Variants in CCDC158 observed in about 807,000 individuals in gnomAD.
The protein encoded by CCDC158 is coiled-coil domain containing 158, also known as coiled-coil domain-containing protein 158.
Under a neutral mutation model 138.6 loss-of-function variants are expected in CCDC158, and 116 were observed. That is an observed-to-expected ratio of 0.84 (90% CI 0.72 to 0.98). The LOEUF (loss-of-function observed/expected upper bound fraction) is 0.98, where lower values mean the gene tolerates loss of function less well. Ranked by LOEUF, CCDC158 falls within the 50% of genes least tolerant of loss-of-function variation. The pLI is 0.00. For missense variants in CCDC158, 1,265 were observed against 1,306.1 expected (o/e 0.97, Z 0.48); for synonymous variants, 436 against 442.4 (o/e 0.99, Z 0.18).
At chr4:76,356,372 GTT>G (rs3041128) in intron 14 of CCDC158, among the ~76,000 whole-genome samples, 4,535 of 151,130 alleles carry the variant, frequency 0.03, 253 homozygotes, top group East Asian at 0.21. Context: ...TAAAACAAAT[GTT>G]TTTTTTTTTA....
intron 1 of CCDC158, among the ~76,000 whole-genome samples, chr4:76,416,701 T>G (rs1729728050): frequency 6.6e-6 from 1 of 152,216 alleles, no homozygotes; most frequent in African/African-American, 2.4e-5. Context: ...CTCCAAGCCT[T>G]GGCAGCTTCC....
chr4:76,357,228 CA>C, intron 14 of CCDC158, 145 bp downstream of exon 14: 1 of 444,622 alleles, frequency 2.2e-6, no homozygotes, highest in Non-Finnish European at 3.8e-6. Flanking sequence ...ACATAACCTC[CA>C]TCATTAATAC....
chr4:76,336,181 CAAAAAA>C (rs34498886), intron 18 of CCDC158, among the ~76,000 whole-genome samples: 1 of 56,034 alleles, frequency 1.8e-5, no homozygotes, highest in African/African-American at 8.1e-5. Context: ...GACTCTGTCT[CAAAAAA>C]AAAAAAAAAA....
At chr4:76,368,843 T>C (rs1361120623) in intron 11 of CCDC158, among the ~76,000 whole-genome samples, 1 of 152,214 alleles carries the variant, frequency 6.6e-6, no homozygotes, top group African/African-American at 2.4e-5. Context: ...TAGGTAAACG[T>C]GAAAAGGCAA....
At chr4:76,326,515 C>G (rs902117677) in intron 22 of CCDC158, among the ~76,000 whole-genome samples, 3 of 152,142 alleles carry the variant, frequency 2.0e-5, no homozygotes, top group Non-Finnish European at 4.4e-5. Flanking sequence ...TCCATAGATT[C>G]AAGCAGCATT....
At chr4:76,320,694 G>T (rs182680476) in intron 24 of CCDC158, among the ~76,000 whole-genome samples, 1 of 152,136 alleles carries the variant, frequency 6.6e-6, no homozygotes, top group Admixed American at 6.5e-5. Context: ...GTGGGGAAAG[G>T]ACACCCTATT....
At chr4:76,325,008 A>C (rs1284551582) in intron 23 of CCDC158, among the ~76,000 whole-genome samples, 1 of 152,198 alleles carries the variant, frequency 6.6e-6, no homozygotes, top group Non-Finnish European at 1.5e-5. Context: ...CAGCTTCCTC[A>C]GTCTTTGTGG....
At chr4:76,321,833 G>A (rs1411310648) in intron 24 of CCDC158, among the ~76,000 whole-genome samples, 1 of 148,374 alleles carries the variant, frequency 6.7e-6, no homozygotes, top group East Asian at 1.9e-4. Context: ...GCCATAAAAA[G>A]GAATAAAATA....
At chr4:76,383,426 ATC>A (rs147610626) in intron 7 of CCDC158, among the ~76,000 whole-genome samples, 1 of 150,620 alleles carries the variant, frequency 6.6e-6, no homozygotes, top group Non-Finnish European at 1.5e-5. Flanking sequence ...GCTGAGCTTA[ATC>A]TCTCTCTCTC....
chr4:76,371,628 T>C, intron 9 of CCDC158, 92 bp from the exon 10 acceptor site: 1 of 1,481,984 alleles, frequency 6.7e-7, no homozygotes, highest in Non-Finnish European at 9.2e-7. Context: ...GGTATTATTT[T>C]GAGAACAAAA....
At chr4:76,348,386 G>A (rs2110160592) in intron 18 of CCDC158, among the ~76,000 whole-genome samples, 1 of 136,520 alleles carries the variant, frequency 7.3e-6, no homozygotes, top group East Asian at 2.3e-4. Flanking sequence ...GGTGAGCTGA[G>A]ATTGTGCCAC....
At chr4:76,382,834 T>C (rs1726402301) in intron 7 of CCDC158, 114 bp from the exon 8 acceptor site, 1 of 660,104 alleles carries the variant, frequency 1.5e-6, no homozygotes, top group Non-Finnish European at 2.6e-6. Flanking sequence ...GCTTTGCTTT[T>C]GTATATGCTA....
Position 76,313,190 on chromosome 4 carries a change from C to T in CCDC158, c.3334G>A (p.Glu1112Lys). ...EKRIQKVKDQ[E>K]KMLLK ...ACGAGTCATTTTAGTAACATTTTTTCCTGGTCTTTTACTTTCTGTATCCTC... is the reference window on the plus strand; with the variant it reads ...ACGAGTCATTTTAGTAACATTTTTTTCTGGTCTTTTACTTTCTGTATCCTC... The change falls in exon 25 of 25, where the codon GAA becomes AAA. Residue 1112 changes from glutamate (E) to lysine (K), a missense_variant. Transcript: ENST00000682701. 6.2e-7 allele frequency: 1 copy of T among 1,604,270 alleles called. No homozygotes were observed. The highest frequency in any genetic ancestry group is 8.5e-7 in the Non-Finnish European group (1 of 1,174,798).
chr4:76,367,154 A>C (rs570737207), intron 12 of CCDC158, 140 bp downstream of exon 12: 1 of 896,868 alleles, frequency 1.1e-6, no homozygotes, highest in Admixed American at 2.6e-5. Flanking sequence ...TTCTCACAAA[A>C]ACACACATAT....
At chr4:76,410,189 CT>C (rs1278358702) in intron 2 of CCDC158, among the ~76,000 whole-genome samples, 1 of 150,926 alleles carries the variant, frequency 6.6e-6, no homozygotes, top group Non-Finnish European at 1.5e-5. Flanking sequence ...TTTAGAATCC[CT>C]TTTTTTTGTT....
At chr4:76,364,029 C>A (rs1032179859) in intron 12 of CCDC158, among the ~76,000 whole-genome samples, 4 of 152,056 alleles carry the variant, frequency 2.6e-5, no homozygotes, top group Non-Finnish European at 5.9e-5. Context: ...TCTAATTCGG[C>A]GTTTCCAACT....
chr4:76,317,194 G>C (rs983764704), intron 24 of CCDC158, among the ~76,000 whole-genome samples: 1 of 151,840 alleles, frequency 6.6e-6, no homozygotes, highest in Non-Finnish European at 1.5e-5. Context: ...ATGGCAGAAA[G>C]GATAAAAATC....
rs1256216127 is a variant in CCDC158, at chr4:76,325,980, A to T, written c.3046T>A (p.Phe1016Ile). Reference protein sequence around the residue: ...PSVKNSASRSFNSSPKKSPVH... With the variant: ...PSVKNSASRSINSSPKKSPVH... ...GGAGACTTCTTAGGAGAAGAATTGAATGAACGAGAAGCTGAGTTTTTCACA... is the reference window on the plus strand; with the variant it reads ...GGAGACTTCTTAGGAGAAGAATTGATTGAACGAGAAGCTGAGTTTTTCACA... Residue 1016 changes from phenylalanine (F) to isoleucine (I), a missense_variant, in exon 23 of 25, where the codon TTC (phenylalanine) becomes ATC (isoleucine). By Grantham distance (21) the Phe-to-Ile change is conservative (BLOSUM62 0). Coordinates refer to ENST00000682701, the MANE Select transcript of CCDC158 (RefSeq NM_001394954.1). 1 of 1,613,200 alleles carries T rather than the reference A, an allele frequency of 6.2e-7. No homozygotes were observed. The highest frequency in any genetic ancestry group is 8.5e-7 in the Non-Finnish European group (1 of 1,179,588).
intron 3 of CCDC158, among the ~76,000 whole-genome samples, chr4:76,400,519 G>A (rs573834994): frequency 6.6e-6 from 1 of 151,516 alleles, no homozygotes; most frequent in East Asian, 1.9e-4. Flanking sequence ...AAACCTGCAC[G>A]GTGTGCACAT....
Sources: allele counts gnomAD v4.1 joint callset (sites outside exome capture counted in the v4.1 genomes callset), GRCh38; gene constraint gnomAD v4.1.1; transcripts MANE v1.5; gene names NCBI Gene and HGNC (gene_info 2026-07-23, HGNC 2026-07-21).